PRKG1: variants seen among roughly 807,000 people sequenced by gnomAD.
PRKG1 encodes the protein protein kinase cGMP-dependent 1, also known as cGMP-dependent protein kinase 1.
A neutral mutation model predicts 88.1 loss-of-function variants in PRKG1; 35 were observed. The observed-to-expected ratio is 0.40, with a 90% CI of 0.30 to 0.53. The LOEUF (loss-of-function observed/expected upper bound fraction) is 0.53, where lower values mean the gene tolerates loss of function less well. Ranked by LOEUF, PRKG1 falls within the 20% of genes least tolerant of loss-of-function variation. The probability of loss-of-function intolerance (pLI) is 0.59; values close to 1 mark genes in which losing one functional copy is unlikely to be tolerated. For missense variants in PRKG1, 540 were observed against 839.8 expected (o/e 0.64, Z 4.41); for synonymous variants, 303 against 292.5 (o/e 1.04, Z -0.37).
rs1432939055 is a variant in PRKG1 at position 51,074,680 on chromosome 10, G to A, written c.90G>A (p.Leu30=). Residue 30 remains leucine (L), a synonymous_variant, in exon 1 of 18, where the codon CTG becomes CTA. Transcript: ENST00000373980. The stretch of plus-strand genomic sequence containing the variant: ...ATGCTCTCATCGACGAGCTGGAGCT[G>A]GAGTTGGATCAGAAGGACGAACTGA... ...QRDALIDELE[L]ELDQKDELIQ... 3 of 1,613,948 alleles carry A rather than the reference G, an allele frequency of 1.9e-6. No homozygotes were observed. Among genetic ancestry groups the A allele is most frequent in the Admixed American group, 1.7e-5 (1 of 59,998 alleles).
chr10:51,178,076 G>A (rs1661521045), intron 2 of PRKG1, among the ~76,000 whole-genome samples: 1 of 152,080 alleles, frequency 6.6e-6, no homozygotes, highest in South Asian at 2.1e-4. Flanking sequence ...GGCAAGGGAA[G>A]ACAGTTATTT....
At chr10:51,959,751 G>A (rs908556340) in intron 5 of PRKG1, among the ~76,000 whole-genome samples, 2 of 152,104 alleles carry the variant, frequency 1.3e-5, no homozygotes, top group African/African-American at 4.8e-5. Flanking sequence ...TTGAAGTATA[G>A]CAGATGATGC....
At chr10:52,169,862 TAGAGA>T (rs746868393) in intron 9 of PRKG1, among the ~76,000 whole-genome samples, 3 of 152,188 alleles carry the variant, frequency 2.0e-5, no homozygotes, top group Non-Finnish European at 4.4e-5. Flanking sequence ...TTAAATCTAG[TAGAGA>T]AGAGAGTTTA....
intron 5 of PRKG1, among the ~76,000 whole-genome samples, chr10:52,035,717 G>A (rs1244907809): frequency 6.6e-6 from 1 of 152,052 alleles, no homozygotes; most frequent in Admixed American, 6.6e-5. Flanking sequence ...GAAGGAGCCG[G>A]GGAGCAGAAA....
chr10:51,089,125 G>T (rs1284280846), intron 1 of PRKG1, among the ~76,000 whole-genome samples: 2 of 152,082 alleles, frequency 1.3e-5, no homozygotes, highest in East Asian at 3.9e-4. Context: ...GTCATGAAAA[G>T]TTCTTTCTAG....
intron 2 of PRKG1, among the ~76,000 whole-genome samples, chr10:51,159,628 G>A (rs1339303842): frequency 6.6e-6 from 1 of 152,162 alleles, no homozygotes; most frequent in Non-Finnish European, 1.5e-5. Context: ...GGCAAAGGAA[G>A]GGATGTGAAA....
chr10:52,190,715 A>T (rs1314259604), intron 9 of PRKG1, among the ~76,000 whole-genome samples: 1 of 152,196 alleles, frequency 6.6e-6, no homozygotes, highest in African/African-American at 2.4e-5. Context: ...TTTCACATGT[A>T]TGTTTGCATA....
chr10:51,685,423 A>C (rs952972436), intron 3 of PRKG1, among the ~76,000 whole-genome samples: 11 of 152,194 alleles, frequency 7.2e-5, no homozygotes, highest in Non-Finnish European at 1.5e-4. Flanking sequence ...CATAGAACTC[A>C]TAAGTGGCAT....
chr10:51,874,728 T>C (rs1841250503), intron 4 of PRKG1, among the ~76,000 whole-genome samples: 1 of 152,212 alleles, frequency 6.6e-6, no homozygotes, highest in Admixed American at 6.5e-5. Context: ...GAGTTGTTTA[T>C]GTTTGTTTGT....
At chr10:51,679,240 C>A (rs1257902687) in intron 3 of PRKG1, among the ~76,000 whole-genome samples, 1 of 152,094 alleles carries the variant, frequency 6.6e-6, no homozygotes, top group Non-Finnish European at 1.5e-5. Context: ...CGCAAAAGGA[C>A]CTGTTTTACA....
At chr10:52,138,898 G>A (rs1271346453) in intron 8 of PRKG1, among the ~76,000 whole-genome samples, 3 of 151,976 alleles carry the variant, frequency 2.0e-5, no homozygotes. Context: ...AATGTACCAA[G>A]ACTCTCACCA....
At chr10:51,726,255 T>A (rs1426038289) in intron 3 of PRKG1, among the ~76,000 whole-genome samples, 1 of 152,202 alleles carries the variant, frequency 6.6e-6, no homozygotes, top group Non-Finnish European at 1.5e-5. Context: ...TTTGCATCCT[T>A]TCTAATACTG....
chr10:52,047,912 A>G (rs1057232040), intron 5 of PRKG1, among the ~76,000 whole-genome samples: 2 of 152,156 alleles, frequency 1.3e-5, no homozygotes, highest in Non-Finnish European at 2.9e-5. Context: ...CCAAGATCAT[A>G]TTGATTAATC....
At chr10:52,162,629 A>G (rs1045004708) in intron 9 of PRKG1, among the ~76,000 whole-genome samples, 1 of 152,140 alleles carries the variant, frequency 6.6e-6, no homozygotes, top group African/African-American at 2.4e-5. Context: ...TAAATTGACA[A>G]CAGTTAGCAT....
chr10:52,109,301 C>T (rs1250095460), intron 7 of PRKG1, among the ~76,000 whole-genome samples: 2 of 152,170 alleles, frequency 1.3e-5, no homozygotes, highest in Non-Finnish European at 2.9e-5. Flanking sequence ...CCCTACTTAA[C>T]CCGCATTTTT....
intron 13 of PRKG1, among the ~76,000 whole-genome samples, chr10:52,281,374 A>G (rs1178272473): frequency 6.6e-6 from 1 of 152,178 alleles, no homozygotes; most frequent in African/African-American, 2.4e-5. Context: ...AATAATAATA[A>G]TGGTCAAAAG....
intron 5 of PRKG1, among the ~76,000 whole-genome samples, chr10:52,020,929 A>G (rs1012208197): frequency 2.0e-5 from 3 of 152,104 alleles, no homozygotes; most frequent in Admixed American, 6.6e-5. Context: ...GACCACCAGG[A>G]AATGGCCTCT....
At chr10:51,713,752 A>G (rs1841816469) in intron 3 of PRKG1, among the ~76,000 whole-genome samples, 1 of 152,216 alleles carries the variant, frequency 6.6e-6, no homozygotes. Context: ...CTAAAACATG[A>G]TGCACACCTC....
At chr10:52,047,092 T>C (rs1216052988) in intron 5 of PRKG1, among the ~76,000 whole-genome samples, 1 of 152,088 alleles carries the variant, frequency 6.6e-6, no homozygotes, top group African/African-American at 2.4e-5. Flanking sequence ...GTCCAGTAGG[T>C]TGGGACAGGG....
Sources: gnomAD v4.1 joint callset for allele counts (sites outside exome capture counted in the v4.1 genomes callset) on GRCh38, gnomAD v4.1.1 for gene constraint, MANE v1.5 for transcripts, NCBI Gene and HGNC (gene_info 2026-07-23, HGNC 2026-07-21) for gene names.